Variants in COBL observed in about 807,000 individuals in gnomAD.
The protein encoded by COBL is protein cordon-bleu.
COBL carries 51 observed loss-of-function variants against 98.8 expected under a neutral mutation model. The observed-to-expected ratio is 0.52, with a 90% CI of 0.41 to 0.65. COBL has a LOEUF of 0.65. COBL is among the 30% of genes least tolerant of loss of function. COBL has a pLI of 0.00. For missense variants in COBL, 1,617 were observed against 1,617.5 expected, an observed-to-expected ratio of 1.00 and a Z score of 0.01; for synonymous variants, 634 against 651.7, an observed-to-expected ratio of 0.97 and a Z score of 0.41.
At chr7:51,087,778 CT>C (rs34922133) in intron 6 of COBL, among the ~76,000 whole-genome samples, 9,333 of 117,182 alleles carry the variant, frequency 0.08, 436 homozygotes, top group East Asian at 0.3. Flanking sequence ...CCGGCCCCGC[CT>C]TTTTTTTTTT....
intron 2 of COBL, among the ~76,000 whole-genome samples, chr7:51,198,795 T>C (rs943094782): frequency 6.6e-6 from 1 of 152,210 alleles, no homozygotes; most frequent in Admixed American, 6.5e-5. Context: ...CTCTGGCTCA[T>C]GTACCCCAAC....
intron 12 of COBL, chr7:51,022,611 T>C (rs1787052342): frequency 6.6e-6 from 1 of 152,206 alleles, no homozygotes; most frequent in Non-Finnish European, 1.5e-5. Context: ...GAGGAACGCA[T>C]TCTCAGAAGC....
intron 1 of COBL, among the ~76,000 whole-genome samples, chr7:51,288,029 G>A (rs1800533787): frequency 6.6e-6 from 1 of 152,172 alleles, no homozygotes; most frequent in African/African-American, 2.4e-5. Context: ...ATGCTGGGGT[G>A]ATGAAAGTGT....
At chr7:51,161,767 T>A (rs941543920) in intron 5 of COBL, among the ~76,000 whole-genome samples, 2 of 152,148 alleles carry the variant, frequency 1.3e-5, no homozygotes, top group South Asian at 4.1e-4. Context: ...TTGGATTTTT[T>A]AAAAAACCAA....
At position 51,257,430 on chromosome 7, in the gene COBL, T is replaced by C. The variant is rs114034248; in HGVS notation, c.42-37486A>G. Among the ~76,000 whole-genome samples the C allele has an allele frequency of 2.5e-3, 375 of 152,232 alleles. 1 individual carries two copies. Among genetic ancestry groups the C allele is most frequent in the African/African-American group, 8.2e-3 (341 of 41,542 alleles). On this transcript the variant is annotated intron_variant, in intron 1 of 12. Transcript: ENST00000265136. ...AGCATATCTAAAGAAAGTAGAGGAA[T>C]AGAACACAGTGGACACATACACTGA...
intron 7 of COBL, among the ~76,000 whole-genome samples, chr7:51,073,704 A>G (rs947374574): frequency 1.1e-4 from 17 of 152,122 alleles, no homozygotes; most frequent in African/African-American, 4.1e-4. Context: ...AGGTCCTTAC[A>G]AGCCGAGACA....
chr7:51,063,771 G>A (rs1791625005), intron 7 of COBL, among the ~76,000 whole-genome samples: 1 of 152,172 alleles, frequency 6.6e-6, no homozygotes, highest in Non-Finnish European at 1.5e-5. Flanking sequence ...ACGATCTTCT[G>A]CATTTTAAAT....
chr7:51,151,283 G>A (rs1032632342), intron 5 of COBL, among the ~76,000 whole-genome samples: 4 of 152,206 alleles, frequency 2.6e-5, no homozygotes, highest in African/African-American at 4.8e-5. Flanking sequence ...CTGTATGTCA[G>A]CTCAGCAGCT....
intron 5 of COBL, among the ~76,000 whole-genome samples, chr7:51,157,839 G>T (rs1786344228): frequency 1.3e-5 from 2 of 152,124 alleles, no homozygotes; most frequent in Non-Finnish European, 2.9e-5. Flanking sequence ...TCATGGATAT[G>T]GTAATTAGCT....
chr7:51,137,895 C>T (rs536992213), intron 5 of COBL, among the ~76,000 whole-genome samples: 1 of 152,214 alleles, frequency 6.6e-6, no homozygotes, highest in African/African-American at 2.4e-5. Flanking sequence ...AACTAGTTCT[C>T]CATATTTAAA....
intron 5 of COBL, among the ~76,000 whole-genome samples, chr7:51,145,741 T>C (rs1784970687): frequency 6.6e-6 from 1 of 152,208 alleles, no homozygotes; most frequent in Admixed American, 6.5e-5. Flanking sequence ...GGCTGTACCA[T>C]TTTACATTCT....
chr7:51,078,855 G>C (rs1310426423), intron 7 of COBL, among the ~76,000 whole-genome samples: 1 of 152,216 alleles, frequency 6.6e-6, no homozygotes, highest in Non-Finnish European at 1.5e-5. Context: ...GCTGGCAGTT[G>C]GCTGAAGTCT....
intron 1 of COBL, among the ~76,000 whole-genome samples, chr7:51,297,098 G>T (rs1801483100): frequency 6.6e-6 from 1 of 152,132 alleles, no homozygotes; most frequent in East Asian, 1.9e-4. Flanking sequence ...AAGAGCTGAG[G>T]TATGTTTCTA....
chr7:51,282,019 G>C (rs1799860540), intron 1 of COBL, among the ~76,000 whole-genome samples: 1 of 151,588 alleles, frequency 6.6e-6, no homozygotes, highest in Admixed American at 6.6e-5. Context: ...TTAATCCCTA[G>C]AAAACCCACG....
chr7:51,046,444 G>C (rs367969133), intron 7 of COBL, among the ~76,000 whole-genome samples: 65 of 152,246 alleles, frequency 4.3e-4, no homozygotes, highest in Admixed American at 1.1e-3. Flanking sequence ...GGCAATTTCT[G>C]ATCCCTCCTT....
intron 1 of COBL, among the ~76,000 whole-genome samples, chr7:51,255,302 G>C (rs565213022): frequency 4.1e-4 from 63 of 152,326 alleles, no homozygotes; most frequent in African/African-American, 1.5e-3. Flanking sequence ...GTCAGAGACA[G>C]TAACATCCAA....
At position 51,240,284 on chromosome 7, in the gene COBL, C is replaced by T. The variant is rs1232397177; in HGVS notation, c.42-20340G>A. On this transcript the variant is annotated intron_variant, in intron 1 of 12. Transcript: ENST00000265136. ...AATCACATAATAATTTAAGGAAACA[C>T]TGTGAGTATTCATACACTTAATCCA... Among the ~76,000 whole-genome samples the T allele has an allele frequency of 2.6e-5, 4 of 152,188 alleles. No homozygotes were observed. The East Asian group carries it at 7.7e-4, about 29-fold the overall frequency.
chr7:51,259,795 G>A (rs1452821043), intron 1 of COBL: 3 of 751,498 alleles, frequency 4.0e-6, no homozygotes, highest in South Asian at 2.7e-5. Flanking sequence ...TTAGGTTCTG[G>A]GGGGTGACTT....
chr7:51,020,049 G>A (rs1017371427), intron 12 of COBL, among the ~76,000 whole-genome samples: 22 of 152,148 alleles, frequency 1.4e-4, no homozygotes, highest in African/African-American at 3.4e-4. Context: ...AATTCCTGCC[G>A]TGGGAAAACA....
Sources: gnomAD v4.1 joint callset for allele counts (sites outside exome capture counted in the v4.1 genomes callset) on GRCh38, gnomAD v4.1.1 for gene constraint, MANE v1.5 for transcripts, NCBI Gene and HGNC (gene_info 2026-07-23, HGNC 2026-07-21) for gene names.